Variants in TRAK1 observed in about 807,000 individuals in gnomAD.
TRAK1 encodes trafficking kinesin-binding protein 1.
Under a neutral mutation model 92.1 loss-of-function variants are expected in TRAK1, and 33 were observed. The observed-to-expected ratio is 0.36, with a 90% CI of 0.27 to 0.48. TRAK1 has a LOEUF of 0.48. TRAK1 is among the 20% of genes least tolerant of loss of function. The probability of loss-of-function intolerance (pLI) is 0.99; values close to 1 mark genes in which losing one functional copy is unlikely to be tolerated. For synonymous variants in TRAK1, 521 were observed against 517.3 expected, an observed-to-expected ratio of 1.01 and a Z score of -0.10; for missense variants, 1,123 against 1,257.9, an observed-to-expected ratio of 0.89 and a Z score of 1.62.
chr3:42,112,592 G>A (rs951026981), intron 1 of TRAK1, among the ~76,000 whole-genome samples: 3 of 150,710 alleles, frequency 2.0e-5, no homozygotes, highest in Admixed American at 6.6e-5. Context: ...AAAGTTAGCC[G>A]GGCTTGTTCA....
chr3:42,142,509 C>T (rs9852329), intron 2 of TRAK1, among the ~76,000 whole-genome samples: 93,782 of 152,066 alleles, frequency 0.62, 29,211 homozygotes, highest in South Asian at 0.76. Context: ...TGCTCCTACC[C>T]GAGTATAGTC....
chr3:42,027,852 C>G lies in TRAK1; in HGVS notation c.-519+13735C>G, dbSNP rs566017168. On this transcript the variant is annotated intron_variant, in intron 1 of 16. Coordinates refer to the TRAK1 transcript ENST00000487159. Reference sequence around the variant, plus strand: ...AAGCCTTTTATCTCAATGGCAGACTCTGTTATTTTTTTTTGAGATGGAGTT... The same window carrying G: ...AAGCCTTTTATCTCAATGGCAGACTGTGTTATTTTTTTTTGAGATGGAGTT... Among the ~76,000 whole-genome samples, 9 of 152,006 alleles carry G rather than the reference C, an allele frequency of 5.9e-5. No individual in the cohort carries two copies. In the South Asian group the frequency reaches 1.7e-3, roughly 28 times the overall value.
chr3:42,080,965 C>G (rs1704404099), intron 1 of TRAK1, among the ~76,000 whole-genome samples: 1 of 152,150 alleles, frequency 6.6e-6, no homozygotes, highest in Non-Finnish European at 1.5e-5. Flanking sequence ...GCCTCAACTT[C>G]CTGGGTTCAG....
chr3:42,135,125 G>A (rs1298142971), intron 2 of TRAK1, among the ~76,000 whole-genome samples: 4 of 152,150 alleles, frequency 2.6e-5, no homozygotes, highest in African/African-American at 9.7e-5. Flanking sequence ...CACTTCTTGT[G>A]TTTCATGCCA....
chr3:42,070,532 A>G (rs753417667), intron 1 of TRAK1, among the ~76,000 whole-genome samples: 18 of 152,056 alleles, frequency 1.2e-4, no homozygotes, highest in Non-Finnish European at 2.4e-4. Flanking sequence ...GGCTAAAGCA[A>G]TACTCCCATC....
intron 1 of TRAK1, among the ~76,000 whole-genome samples, chr3:42,045,883 A>T (rs76550373): frequency 0.074 from 11,276 of 152,236 alleles, 482 homozygotes; most frequent in Middle Eastern, 0.21. Flanking sequence ...AAATTGAAAC[A>T]CTTTATAATG....
intron 13 of TRAK1, chr3:42,203,134 T>G (rs991353745): frequency 1.6e-6 from 2 of 1,218,552 alleles, no homozygotes; most frequent in African/African-American, 3.1e-5. Flanking sequence ...TGCAGAAAAT[T>G]AATGCTTTAG....
At chr3:42,160,552 A>G in intron 2 of TRAK1, 1 of 1,379,644 alleles carries the variant, frequency 7.2e-7, no homozygotes, top group Non-Finnish European at 9.9e-7. Flanking sequence ...CTGATTTCAT[A>G]GCACTGTTTT....
chr3:42,093,217 T>C (rs571661057), intron 1 of TRAK1, among the ~76,000 whole-genome samples: 17 of 152,174 alleles, frequency 1.1e-4, no homozygotes, highest in Non-Finnish European at 1.6e-4. Context: ...TTTTTTTTTT[T>C]CTCCTTCTCT....
intron 10 of TRAK1, among the ~76,000 whole-genome samples, chr3:42,196,955 T>G (rs1055561094): frequency 1.6e-4 from 23 of 141,090 alleles, no homozygotes; most frequent in African/African-American, 5.6e-4. Flanking sequence ...CTCTCCTTTC[T>G]CCTCTCTCTC....
At chr3:42,028,542 T>C (rs1462472296) in intron 1 of TRAK1, among the ~76,000 whole-genome samples, 4 of 151,806 alleles carry the variant, frequency 2.6e-5, no homozygotes, top group African/African-American at 9.7e-5. Flanking sequence ...GCAGCAGAGG[T>C]GTCTTTAGGG....
intron 2 of TRAK1, among the ~76,000 whole-genome samples, chr3:42,162,178 G>T (rs1017408338): frequency 1.3e-5 from 2 of 152,070 alleles, no homozygotes; most frequent in African/African-American, 2.4e-5. Flanking sequence ...TAGATTAAAG[G>T]CTATAAAATA....
rs1289653193 is a variant in TRAK1, at chr3:42,046,362, TA to T, written c.-519+32247del. Among the ~76,000 whole-genome samples the T allele has an allele frequency of 8.6e-5, 13 of 150,764 alleles. No homozygotes were observed. The East Asian group carries it at 2.5e-3, about 29-fold the overall frequency. Reference sequence around the variant, plus strand: ...TTAAAAAAAAAAAAAAGACCACACATAATTTTTACACCGTTCAGGAACTCCT... The same window carrying T: ...TTAAAAAAAAAAAAAAGACCACACATATTTTTACACCGTTCAGGAACTCCT... On this transcript the variant is annotated intron_variant, in intron 1 of 16. Coordinates refer to the TRAK1 transcript ENST00000487159.
In TRAK1 at chr3:42,142,158, A is replaced by G. The variant is rs146754510; in HGVS notation, c.286+16544A>G. ...AAAAACAAAACAAAACAAAAAAAGA[A>G]GAAAATGAATTACACCTGCAAAGAC... On this transcript the variant is annotated intron_variant, in intron 2 of 15. Transcript: ENST00000327628. 5.5e-3 allele frequency among the ~76,000 whole-genome samples: 839 copies of G among 152,292 alleles called. 13 individuals carry two copies. Among genetic ancestry groups the G allele is most frequent in the African/African-American group, 0.019 (780 of 41,562 alleles).
At chr3:42,116,360 GA>G (rs1709161459) in intron 1 of TRAK1, among the ~76,000 whole-genome samples, 2 of 152,348 alleles carry the variant, frequency 1.3e-5, no homozygotes, top group Non-Finnish European at 2.9e-5. Flanking sequence ...TTGTGGTATG[GA>G]AAGTAATTAC....
At chr3:42,201,687 T>G (rs1352695061) in intron 12 of TRAK1, among the ~76,000 whole-genome samples, 2 of 151,942 alleles carry the variant, frequency 1.3e-5, no homozygotes, top group Non-Finnish European at 2.9e-5. Flanking sequence ...TGTGACCGTT[T>G]TGTAGCTTGA....
chr3:42,015,152 C>T (rs1425084229), intron 1 of TRAK1, among the ~76,000 whole-genome samples: 1 of 152,090 alleles, frequency 6.6e-6, no homozygotes, highest in Non-Finnish European at 1.5e-5. Flanking sequence ...TGACAGATGG[C>T]GCCTTCCCCT....
At chr3:42,104,776 A>G (rs532820287) in intron 1 of TRAK1, among the ~76,000 whole-genome samples, 2 of 152,294 alleles carry the variant, frequency 1.3e-5, no homozygotes, top group East Asian at 3.9e-4. Context: ...AATTCTAAAA[A>G]TCAGAGCACC....
chr3:42,141,469 G>C (rs915335949), intron 2 of TRAK1, among the ~76,000 whole-genome samples: 1 of 152,072 alleles, frequency 6.6e-6, no homozygotes, highest in Admixed American at 6.6e-5. Flanking sequence ...AAGAAAATAC[G>C]ATCTCAGCAG....
Sources: gnomAD v4.1 joint callset for allele counts (sites outside exome capture counted in the v4.1 genomes callset) on GRCh38, gnomAD v4.1.1 for gene constraint, MANE v1.5 for transcripts, NCBI Gene and HGNC (gene_info 2026-07-23, HGNC 2026-07-21) for gene names.